Variants in CLTRN observed in about 807,000 individuals in gnomAD.
CLTRN encodes collectrin, amino acid transport regulator.
Under a neutral mutation model 14.5 loss-of-function variants are expected in CLTRN, and 12 were observed. That is an observed-to-expected ratio of 0.83 (90% CI 0.53 to 1.34). The LOEUF (loss-of-function observed/expected upper bound fraction) is 1.34. Among genes scored for constraint, CLTRN ranks in the 40% most tolerant of loss-of-function variants. The pLI is 0.00. For synonymous variants in CLTRN, 58 were observed against 56.5 expected (o/e 1.03, Z -0.12); for missense variants, 154 against 165.1 (o/e 0.93, Z 0.37).
In CLTRN at chrX:15,664,253, C is replaced by T. The variant is rs541609528; in HGVS notation, c.117+84G>A. ...AATAATTTATTCAAGATTAAGGTAA[C>T]TATGCAGACAGGCCCATTATTAGAG... is the stretch of plus-strand genomic sequence containing the variant. On this transcript the variant is annotated intron_variant, in intron 2 of 5. Coordinates refer to ENST00000380342, the MANE Select transcript of CLTRN (RefSeq NM_020665.6). 155 of 618,305 alleles carry T rather than the reference C, an allele frequency of 2.5e-4. 1 individual carries two copies. The South Asian group carries it at 3.3e-3, about 13-fold the overall frequency. The allele number at this position is 618,305 out of a possible 1,213,427, so 51.0% of individuals were successfully genotyped here. A position where few individuals can be genotyped will look rare whatever the true frequency, so the allele number is the denominator to read the frequency against.
intron 4 of CLTRN, among the ~76,000 whole-genome samples, chrX:15,641,636 C>CTGTGTGTGTGTGTG (rs56407617): frequency 3.7e-4 from 33 of 88,478 alleles, no homozygotes; most frequent in African/African-American, 1.3e-3. Flanking sequence ...CCACACCTGG[C>CTGTGTGTGTGTGTG]TGTGTGTGTG....
chrX:15,642,926 C>CA (rs58097600), intron 4 of CLTRN, among the ~76,000 whole-genome samples: 107 of 83,446 alleles, frequency 1.3e-3, no homozygotes, highest in South Asian at 2.9e-3. Context: ...CCTGTCTCTA[C>CA]AAAAAAAAAA....
At position 15,639,693 on chromosome X, in the gene CLTRN, T is replaced by G; in HGVS notation, c.381A>C (p.Lys127Asn). The change falls in exon 5 of 6, where the codon AAA (lysine) becomes AAC (asparagine). Residue 127 changes from lysine (K) to asparagine (N), a missense_variant. Transcript: ENST00000380342. ...FLNDQTLEFLKIPSTLAPPMD... is the reference protein window; with the variant it reads ...FLNDQTLEFLNIPSTLAPPMD... ...TGGGTGGTGCAAGTGTGGAAGGGAT[T>G]TTTAAAAATTCCAGAGTTTGGTCAT... The G allele has an allele frequency of 8.3e-7, 1 of 1,210,730 alleles. No homozygotes were observed. The highest frequency in any genetic ancestry group is 1.1e-6 in the Non-Finnish European group (1 of 895,047).
At chrX:15,657,339 C>T (rs1197535937) in intron 3 of CLTRN, among the ~76,000 whole-genome samples, 1 of 112,255 alleles carries the variant, frequency 8.9e-6, no homozygotes, top group East Asian at 2.8e-4. Flanking sequence ...TTCAAATAAA[C>T]CGGATCAGAT....
At position 15,632,210 on chromosome X, in the gene CLTRN, C is replaced by T. The variant is rs564895304; in HGVS notation, c.513-4083G>A. 5.1e-4 allele frequency among the ~76,000 whole-genome samples: 57 copies of T among 111,689 alleles called. No individual in the cohort carries two copies. In the South Asian group the frequency reaches 0.021, roughly 41 times the overall value. On this transcript the variant is annotated intron_variant, in intron 5 of 5. Transcript: ENST00000380342. ...CTCAGAGCTAGGGGATGTTGAGGAA[C>T]GGGGTTTGCTCTGTTCTAAGATAAA...
chrX:15,650,199 C>T (rs1012752078), intron 3 of CLTRN, among the ~76,000 whole-genome samples: 4 of 106,148 alleles, frequency 3.8e-5, no homozygotes, highest in Non-Finnish European at 7.7e-5. Context: ...TTGAGAACCA[C>T]TGGTACGTAG....
At chrX:15,669,422 G>A (rs1929676842), upstream of CLTRN, among the ~76,000 whole-genome samples, 5 of 112,108 alleles carry the variant, frequency 4.5e-5, no homozygotes, top group South Asian at 1.8e-3. Flanking sequence ...ACTTCCAAAC[G>A]TTCAGAGTTT....
intron 2 of CLTRN, among the ~76,000 whole-genome samples, chrX:15,660,035 G>C (rs1471293827): frequency 1.8e-5 from 2 of 111,664 alleles, no homozygotes; most frequent in African/African-American, 6.5e-5. Context: ...CTAAAGAGAA[G>C]CAGGAAGGGA....
chrX:15,659,085 T>C lies in CLTRN; in HGVS notation c.134A>G (p.Asn45Ser). 1.7e-6 allele frequency: 2 copies of C among 1,165,734 alleles called. No homozygotes were observed. The highest frequency in any genetic ancestry group is 3.1e-5 in the East Asian group (1 of 32,089). The change falls in exon 3 of 6, where the codon AAT becomes AGT. Residue 45 changes from asparagine (N) to serine (S), a missense_variant. Asn to Ser is a conservative substitution (Grantham distance 46). Coordinates refer to ENST00000380342, the MANE Select transcript of CLTRN (RefSeq NM_020665.6). ...LGDKAYAWDTNEEYLFKAMVA... is the reference protein window; with the variant it reads ...LGDKAYAWDTSEEYLFKAMVA... ...CATCGCTTTGAAGAGGTATTCTTCA[T>C]TGGTATCCCAGGCATACTGAAAAAG...
intron 4 of CLTRN, among the ~76,000 whole-genome samples, chrX:15,643,722 T>A (rs1478540760): frequency 8.9e-6 from 1 of 112,698 alleles, no homozygotes. Context: ...CCAATCAGTA[T>A]AAATCCTCAG....
chrX:15,669,068 A>G (rs1195497928), upstream of CLTRN, among the ~76,000 whole-genome samples: 1 of 111,899 alleles, frequency 8.9e-6, no homozygotes, highest in African/African-American at 3.2e-5. Flanking sequence ...CTGTTTTTTG[A>G]TTCATAAATC....
At chrX:15,668,903 C>T (rs1361779379), upstream of CLTRN, among the ~76,000 whole-genome samples, 1 of 111,827 alleles carries the variant, frequency 8.9e-6, no homozygotes, top group Non-Finnish European at 1.9e-5. Flanking sequence ...CTAGTATCCT[C>T]ATGGACTTTA....
At chrX:15,661,307 T>C (rs777669165) in intron 2 of CLTRN, among the ~76,000 whole-genome samples, 7 of 112,300 alleles carry the variant, frequency 6.2e-5, no homozygotes, top group Non-Finnish European at 1.1e-4. Flanking sequence ...TGGGGACAAC[T>C]TGACCTGATC....
chrX:15,658,906 C>A, intron 3 of CLTRN, 110 bp downstream of exon 3: 1 of 337,763 alleles, frequency 3.0e-6, no homozygotes, highest in South Asian at 4.5e-5. Flanking sequence ...AGTGTGAATC[C>A]CTTTGAAAAA....
intron 3 of CLTRN, among the ~76,000 whole-genome samples, chrX:15,655,239 C>T (rs1035645947): frequency 3.6e-5 from 4 of 112,071 alleles, no homozygotes; most frequent in South Asian, 7.4e-4. Flanking sequence ...ATGATGGGGG[C>T]GTGAGATAGA....
chrX:15,643,744 C>T (rs1004959670), intron 4 of CLTRN, among the ~76,000 whole-genome samples: 1 of 112,404 alleles, frequency 8.9e-6, no homozygotes, highest in African/African-American at 3.2e-5. Flanking sequence ...GCCTTTGCTT[C>T]AGCAAAAGAA....
intron 5 of CLTRN, 82 bp downstream of exon 5, chrX:15,639,480 A>G: frequency 1.1e-6 from 1 of 905,478 alleles, no homozygotes; most frequent in Non-Finnish European, 1.5e-6. Flanking sequence ...ATCTTCAGCC[A>G]GAGGAAAATC....
upstream of CLTRN, among the ~76,000 whole-genome samples, chrX:15,665,364 T>C (rs747404600): frequency 8.9e-6 from 1 of 111,876 alleles, no homozygotes; most frequent in African/African-American, 3.2e-5. Context: ...ATCGAAAAAC[T>C]ACCTATCGAA....
At chrX:15,642,694 G>C (rs1332368589) in intron 4 of CLTRN, among the ~76,000 whole-genome samples, 1 of 112,144 alleles carries the variant, frequency 8.9e-6, no homozygotes, top group Non-Finnish European at 1.9e-5. Flanking sequence ...CTAGGTTCAA[G>C]TCCTCACTTT....
Sources: gnomAD v4.1 joint callset for allele counts (sites outside exome capture counted in the v4.1 genomes callset) on GRCh38, gnomAD v4.1.1 for gene constraint, MANE v1.5 for transcripts, NCBI Gene and HGNC (gene_info 2026-07-23, HGNC 2026-07-21) for gene names.